The following PRORP variants were observed in gnomAD, a reference collection of about 807,000 sequenced individuals.
The protein encoded by PRORP is protein only RNase P catalytic subunit.
Under a neutral mutation model 59.4 loss-of-function variants are expected in PRORP, and 51 were observed. The observed-to-expected ratio is 0.86, with a 90% CI of 0.69 to 1.08. The LOEUF (loss-of-function observed/expected upper bound fraction) is 1.08. Ranked by LOEUF, PRORP falls within the 50% of genes least tolerant of loss-of-function variation. The pLI is 0.00. For missense variants in PRORP, 646 were observed against 690.3 expected (o/e 0.94, Z 0.72); for synonymous variants, 231 against 245.6 (o/e 0.94, Z 0.55).
Position 35,273,767 on chromosome 14 carries a change from T to C in PRORP, c.*201T>C, listed in dbSNP as rs145578423. 133 of 398,580 alleles carry C rather than the reference T, an allele frequency of 3.3e-4. 3 individuals are homozygous for C. The East Asian group carries it at 5.7e-3, about 17-fold the overall frequency. The allele number at this position is 398,580 out of a possible 1,614,324, so 24.7% of individuals were successfully genotyped here. ...CGTTTTTTTCCCCTAACATTTGTTT[T>C]TGGAGGCTTATCAAGAGTTGGAGAA... On this transcript the variant is annotated 3_prime_UTR_variant, in exon 8 of 8. Coordinates refer to ENST00000534898, the MANE Select transcript of PRORP (RefSeq NM_014672.4).
Position 35,142,343 on chromosome 14 carries a change from CTT to C in PRORP, c.1167+14749_1167+14750del, listed in dbSNP as rs576082267. Among the ~76,000 whole-genome samples, 29 of 116,722 alleles carry C rather than the reference CTT, an allele frequency of 2.5e-4. 3 individuals are homozygous for C. Among genetic ancestry groups the C allele is most frequent in the Middle Eastern group, 4.3e-3 (1 of 234 alleles). 76.6% of individuals were successfully genotyped at this position (116,722 alleles called of 152,430 possible). ...CATCCTGTAAATTATAAATTCATTG[CTT>C]TTTTTTTTTTTTTTTTCCAAGAGAT... On this transcript the variant is annotated intron_variant, in intron 4 of 7. Coordinates refer to ENST00000534898, the MANE Select transcript of PRORP (RefSeq NM_014672.4).
chr14:35,229,527 C>T (rs1014387835), intron 5 of PRORP, among the ~76,000 whole-genome samples: 5 of 152,126 alleles, frequency 3.3e-5, no homozygotes, highest in East Asian at 1.9e-4. Flanking sequence ...CCAGCTATCC[C>T]GGCACCATTT....
intron 5 of PRORP, among the ~76,000 whole-genome samples, chr14:35,266,426 G>T (rs1213965091): frequency 6.6e-6 from 1 of 152,078 alleles, no homozygotes; most frequent in Admixed American, 6.6e-5. Flanking sequence ...AGGCTGCAGT[G>T]AGCTATGATT....
intron 5 of PRORP, among the ~76,000 whole-genome samples, chr14:35,255,820 GATAA>G (rs1000758594): frequency 4.6e-5 from 7 of 152,146 alleles, no homozygotes; most frequent in Non-Finnish European, 1.0e-4. Context: ...AGGGAGAAAA[GATAA>G]ATAGATAAAG....
rs755213770 is a variant in PRORP, at chr14:35,124,154, T to TA, written c.910dup (p.Ile304AsnfsTer8). 3 of 1,605,466 alleles carry TA rather than the reference T, an allele frequency of 1.9e-6. No homozygotes were observed. Among genetic ancestry groups the TA allele is most frequent in the Non-Finnish European group, 2.6e-6 (3 of 1,175,678 alleles). On this transcript the variant is annotated frameshift_variant, in exon 2 of 8. Coordinates refer to ENST00000534898, the MANE Select transcript of PRORP (RefSeq NM_014672.4). LOFTEE classifies it high-confidence loss of function. ...ATAACTATTCAAATAAACTACTAGA[T>TA]ATTCTTTCATATCTAAGAAATAATC...
chr14:35,244,400 T>A (rs1021381629), intron 5 of PRORP, among the ~76,000 whole-genome samples: 3 of 152,250 alleles, frequency 2.0e-5, no homozygotes, highest in Middle Eastern at 3.4e-3. Context: ...CCCACTTTTT[T>A]AAATTCTTTT....
At chr14:35,271,701 G>A (rs2051194280) in intron 7 of PRORP, among the ~76,000 whole-genome samples, 1 of 152,080 alleles carries the variant, frequency 6.6e-6, no homozygotes, top group Non-Finnish European at 1.5e-5. Context: ...AAGTACACTG[G>A]CCCGTGGTAT....
chr14:35,223,308 A>G (rs567537598), intron 5 of PRORP, among the ~76,000 whole-genome samples: 8 of 150,840 alleles, frequency 5.3e-5, no homozygotes, highest in South Asian at 2.1e-4. Flanking sequence ...TATTGTGTCT[A>G]TATCTGTTTT....
intron 5 of PRORP, among the ~76,000 whole-genome samples, chr14:35,202,515 G>C (rs532675547): frequency 5.1e-4 from 77 of 152,222 alleles, no homozygotes; most frequent in Non-Finnish European, 8.7e-4. Context: ...CAGTGGAGTA[G>C]GAAGGGCACA....
intron 5 of PRORP, among the ~76,000 whole-genome samples, chr14:35,226,372 C>G (rs1281439370): frequency 1.3e-5 from 2 of 152,112 alleles, no homozygotes; most frequent in Non-Finnish European, 2.9e-5. Flanking sequence ...AATGTTTAGG[C>G]AAAGAGCTAA....
chr14:35,269,977 G>A (rs1031019709), intron 6 of PRORP, among the ~76,000 whole-genome samples: 5 of 152,168 alleles, frequency 3.3e-5, no homozygotes, highest in African/African-American at 1.2e-4. Context: ...CCAGTTATTT[G>A]GTGGCTTGCA....
intron 4 of PRORP, among the ~76,000 whole-genome samples, chr14:35,175,492 A>G (rs946023644): frequency 7.9e-5 from 12 of 152,182 alleles, no homozygotes; most frequent in African/African-American, 2.9e-4. Flanking sequence ...TCTGATGGCC[A>G]GTGATGATGA....
chr14:35,198,180 A>G (rs1191080327), intron 5 of PRORP, among the ~76,000 whole-genome samples: 3 of 152,260 alleles, frequency 2.0e-5, no homozygotes, highest in Non-Finnish European at 4.4e-5. Flanking sequence ...TATAAGACTC[A>G]TTCATTTATA....
At chr14:35,250,280 G>A (rs888262056) in intron 5 of PRORP, among the ~76,000 whole-genome samples, 8 of 151,882 alleles carry the variant, frequency 5.3e-5, no homozygotes, top group Admixed American at 5.3e-4. Flanking sequence ...CAAATGCATG[G>A]TGCCTTGCTC....
chr14:35,125,054 G>A (rs941995247), intron 2 of PRORP, among the ~76,000 whole-genome samples: 2 of 151,770 alleles, frequency 1.3e-5, no homozygotes, highest in Non-Finnish European at 2.9e-5. Context: ...TAGTAGAGAC[G>A]GGGTTTCTCT....
intron 5 of PRORP, among the ~76,000 whole-genome samples, chr14:35,208,699 G>A (rs867355371): frequency 2.7e-5 from 4 of 147,230 alleles, no homozygotes; most frequent in South Asian, 2.2e-4. Context: ...GTGAAAACCC[G>A]TCTCTACTAA....
intron 4 of PRORP, among the ~76,000 whole-genome samples, chr14:35,140,284 G>C (rs934520392): frequency 6.9e-6 from 1 of 144,850 alleles, no homozygotes; most frequent in Non-Finnish European, 1.5e-5. Flanking sequence ...TTCCAGAGTG[G>C]TTGTACCATT....
intron 4 of PRORP, among the ~76,000 whole-genome samples, chr14:35,152,568 C>T (rs1342218289): frequency 2.7e-5 from 4 of 150,598 alleles, no homozygotes; most frequent in African/African-American, 9.8e-5. Context: ...CGCCCCCCAC[C>T]TCCCTCCCGG....
intron 5 of PRORP, among the ~76,000 whole-genome samples, chr14:35,189,902 A>C (rs1205574098): frequency 6.7e-6 from 1 of 149,952 alleles, no homozygotes; most frequent in Admixed American, 6.7e-5. Flanking sequence ...AGAGGTGAGA[A>C]GTTCAAGACC....
Sources: gnomAD v4.1 joint callset for allele counts (sites outside exome capture counted in the v4.1 genomes callset) on GRCh38, gnomAD v4.1.1 for gene constraint, MANE v1.5 for transcripts, NCBI Gene and HGNC (gene_info 2026-07-23, HGNC 2026-07-21) for gene names.